The following RUNDC3A variants were observed in gnomAD, a reference collection of about 807,000 sequenced individuals.
RUNDC3A encodes RUN domain containing 3A.
RUNDC3A carries 28 observed loss-of-function variants against 53.9 expected under a neutral mutation model. The observed-to-expected ratio is 0.52, with a 90% confidence interval of 0.38 to 0.71. RUNDC3A has a LOEUF of 0.71. RUNDC3A is among the 30% of genes least tolerant of loss of function. The pLI is 0.00. For synonymous variants in RUNDC3A, 232 were observed against 249.4 expected (o/e 0.93, Z 0.66); for missense variants, 491 against 597.3 (o/e 0.82, Z 1.85).
In RUNDC3A at chr17:44,318,356, A is replaced by G; in HGVS notation, c.*118A>G. 4 of 1,170,772 alleles carry G rather than the reference A, an allele frequency of 3.4e-6. No individual in the cohort carries two copies. The highest frequency in any genetic ancestry group is 4.8e-6 in the Non-Finnish European group (4 of 833,366). The allele number at this position is 1,170,772 out of a possible 1,614,324, so 72.5% of individuals were successfully genotyped here. A position where few individuals can be genotyped will look rare whatever the true frequency, so the allele number is the denominator to read the frequency against. On this transcript the variant is annotated 3_prime_UTR_variant, in exon 11 of 11. Coordinates refer to ENST00000426726, the MANE Select transcript of RUNDC3A (RefSeq NM_001144825.2). ...TCCAGAGAACGCTACCCACCCAGCC[A>G]GGGTTCTCTCGGGGAAGATCTCGTC...
Position 44,315,647 on chromosome 17 carries a change from G to T in RUNDC3A, c.953+38G>T. On this transcript the variant is annotated intron_variant, in intron 8 of 10. Transcript: ENST00000426726. This position sits in a 1 kb window ranked among gnomAD's most constrained non-coding sequence, Gnocchi z 6.1. The stretch of plus-strand genomic sequence containing the variant: ...CCTGCCCTAACCCCTGACCCCCGCC[G>T]CCCCGACCACATCACCGGGTGAACC... 2 of 1,334,652 alleles carry T rather than the reference G, an allele frequency of 1.5e-6. No individual in the cohort carries two copies. Among genetic ancestry groups the T allele is most frequent in the East Asian group, 3.4e-5 (1 of 29,702 alleles). 82.7% of individuals were successfully genotyped at this position (1,334,652 alleles called of 1,614,324 possible).
rs774181293 is a variant in RUNDC3A, at chr17:44,316,563, C to G, written c.1091+41C>G. ...GTGGGGCTTGGGCCTGAGAGCGGGT[C>G]GTCCTGGGGAAGAAGGGCTTCCTCT... is the stretch of plus-strand genomic sequence containing the variant. On this transcript the variant is annotated intron_variant, in intron 9 of 10. Transcript: ENST00000426726. 6 of 1,590,276 alleles carry G rather than the reference C, an allele frequency of 3.8e-6. No homozygotes were observed. The Admixed American group carries it at 1.1e-4, about 28-fold the overall frequency.
At chr17:44,312,513 C>A in intron 1 of RUNDC3A, 67 bp from the exon 2 acceptor site, 1 of 890,470 alleles carries the variant, frequency 1.1e-6, no homozygotes, top group South Asian at 1.5e-5. Flanking sequence ...TGCTCCCTGT[C>A]TCTCCCTCCA....
intron 2 of RUNDC3A, 78 bp downstream of exon 2, chr17:44,312,773 C>T (rs1598325277): frequency 1.6e-6 from 1 of 644,062 alleles, no homozygotes; most frequent in African/African-American, 1.8e-5. Context: ...GCGCCCCTCC[C>T]CCAGCGGTCC....
At chr17:44,317,396 G>C in intron 10 of RUNDC3A, 1 of 773,628 alleles carries the variant, frequency 1.3e-6, no homozygotes, top group South Asian at 1.4e-5. Context: ...CAAACTCTCG[G>C]GGAACTCCTT....
In RUNDC3A at chr17:44,315,447, C is replaced by T. The variant is rs2047842667; in HGVS notation, c.796-5C>T. 2.1e-6 allele frequency: 3 copies of T among 1,458,472 alleles called. No homozygotes were observed. The highest frequency in any genetic ancestry group is 1.5e-5 in the African/African-American group (1 of 67,746). 90.3% of individuals were successfully genotyped at this position (1,458,472 alleles called of 1,614,324 possible). Reference sequence around the variant, plus strand: ...AGCCGCCCGGGCTGAGCCGGCGCCCCGCAGGGCTACCTGGAGGAGCTGGTG... The same window carrying T: ...AGCCGCCCGGGCTGAGCCGGCGCCCTGCAGGGCTACCTGGAGGAGCTGGTG... On this transcript the variant is annotated splice_polypyrimidine_tract_variant and splice_region_variant and intron_variant, in intron 7 of 10. Transcript: ENST00000426726. The surrounding 1 kb of genome is among the most constrained non-coding windows in gnomAD (Gnocchi z 6.1).
At chr17:44,316,303 C>G in intron 8 of RUNDC3A, 82 bp from the exon 9 acceptor site, 5 of 1,351,244 alleles carry the variant, frequency 3.7e-6, no homozygotes, top group Non-Finnish European at 5.2e-6. Flanking sequence ...TCATTCCTGA[C>G]CCCTCCCTCA....
At chr17:44,311,878 C>T (rs1320968420) in intron 1 of RUNDC3A, among the ~76,000 whole-genome samples, 1 of 152,136 alleles carries the variant, frequency 6.6e-6, no homozygotes, top group East Asian at 1.9e-4. Context: ...AATGCCCCCT[C>T]CTGCCCAGTG....
intron 9 of RUNDC3A, 33 bp downstream of exon 9, chr17:44,316,555 G>A: frequency 3.8e-6 from 6 of 1,597,464 alleles, no homozygotes; most frequent in Non-Finnish European, 5.1e-6. Context: ...TTGGGCCTGA[G>A]AGCGGGTCGT....
intron 10 of RUNDC3A, 24 bp from the exon 11 acceptor site, chr17:44,318,072 G>A: frequency 6.5e-7 from 1 of 1,548,150 alleles, no homozygotes; most frequent in South Asian, 1.2e-5. Context: ...TGGTCGCTTG[G>A]CCTCACCTGC....
chr17:44,313,984 TACCACCACC>T (rs947266148), intron 4 of RUNDC3A: 8 of 991,032 alleles, frequency 8.1e-6, no homozygotes, highest in Non-Finnish European at 8.4e-6. Flanking sequence ...GACAAACTTT[TACCACCACC>T]ACCACCACCA....
In RUNDC3A at chr17:44,318,002, G is replaced by A. The variant is rs1369247173; in HGVS notation, c.1199-94G>A. The A allele has an allele frequency of 4.6e-6, 6 of 1,296,744 alleles. No homozygotes were observed. The Admixed American group carries it at 1.1e-4, about 23-fold the overall frequency. The allele number at this position is 1,296,744 out of a possible 1,614,324, so 80.3% of individuals were successfully genotyped here. On this transcript the variant is annotated intron_variant, in intron 10 of 10. Transcript: ENST00000426726. ...TGGAATATGCCAAGGTCTCCTGGGGGGTGACTTGAGGGCTGCCCCTTCACT... is the reference window on the plus strand; with the variant it reads ...TGGAATATGCCAAGGTCTCCTGGGGAGTGACTTGAGGGCTGCCCCTTCACT...
chr17:44,316,035 T>A (rs1039697779), intron 8 of RUNDC3A, among the ~76,000 whole-genome samples: 1 of 151,956 alleles, frequency 6.6e-6, no homozygotes, highest in Non-Finnish European at 1.5e-5. Context: ...CTGTAACACT[T>A]CTTCTCTACG....
Position 44,315,184 on chromosome 17 carries a change from G to T in RUNDC3A, c.659G>T (p.Arg220Leu), listed in dbSNP as rs1598329076. The T allele has an allele frequency of 6.4e-7, 1 of 1,562,690 alleles. No homozygotes were observed. The highest frequency in any genetic ancestry group is 1.9e-5 in the Admixed American group (1 of 52,172). ...SYDYLTDEEE[R>L]HSAESSTSED... ...GACTACCTGACGGACGAGGAGGAGC[G>T]GCACAGCGCCGAGAGCAGCACGAGC... The change falls in exon 7 of 11, where the codon CGG becomes CTG. Residue 220 changes from arginine (R) to leucine (L), a missense_variant. Arg to Leu is a moderately radical substitution (Grantham distance 102). This residue lies in a region of RUNDC3A where 273 missense variants were observed against 389.0 expected (regional missense o/e 0.70). Transcript: ENST00000426726. This position sits in a 1 kb window ranked among gnomAD's most constrained non-coding sequence, Gnocchi z 6.1.
At position 44,308,623 on chromosome 17, in the gene RUNDC3A, A is replaced by G; in HGVS notation, c.-210A>G. 1 of 442,764 alleles carries G rather than the reference A, an allele frequency of 2.3e-6. No individual in the cohort carries two copies. Among genetic ancestry groups the G allele is most frequent in the Non-Finnish European group, 4.0e-6 (1 of 251,072 alleles). 27.4% of individuals were successfully genotyped at this position (442,764 alleles called of 1,614,324 possible). A position where few individuals can be genotyped will look rare whatever the true frequency, so the allele number is the denominator to read the frequency against. ...GGGGCCCCGGCTCAGCACCTCGGAG[A>G]GCTCCCTCCCCGGCCTTGTTTTGCT... On this transcript the variant is annotated 5_prime_UTR_variant, in exon 1 of 11. Transcript: ENST00000426726.
At chr17:44,312,817 C>T (rs900632109) in intron 2 of RUNDC3A, 122 bp downstream of exon 2, 3 of 608,268 alleles carry the variant, frequency 4.9e-6, no homozygotes, top group Admixed American at 6.0e-5. Flanking sequence ...TCCCAGCCAC[C>T]TCTTTCTGAT....
chr17:44,312,751 G>A (rs530525572), intron 2 of RUNDC3A, 56 bp downstream of exon 2: 13 of 755,674 alleles, frequency 1.7e-5, no homozygotes, highest in Middle Eastern at 4.0e-4. Context: ...TCCCCCAGTG[G>A]TCCCTCCCCC....
Position 44,316,518 on chromosome 17 carries a change from C to A in RUNDC3A, c.1087C>A (p.Arg363=), listed in dbSNP as rs778185034. 2 of 1,612,232 alleles carry A rather than the reference C, an allele frequency of 1.2e-6. No homozygotes were observed. Among genetic ancestry groups the A allele is most frequent in the Non-Finnish European group, 1.7e-6 (2 of 1,179,310 alleles). ...AEGASNSKLY[R]RHSFMSTEPL... ...GGGCGCCAGCAACTCCAAGCTCTAC[C>A]GGAGGTAAGCCCCAGCCAGGTGGGG... The change falls in exon 9 of 11, where the codon CGG becomes AGG. Residue 363 remains arginine, a synonymous_variant. Coordinates refer to ENST00000426726, the MANE Select transcript of RUNDC3A (RefSeq NM_001144825.2).
Position 44,318,573 on chromosome 17 carries a change from C to A in RUNDC3A, c.*335C>A. On this transcript the variant is annotated 3_prime_UTR_variant, in exon 11 of 11. Transcript: ENST00000426726. ...TGGCCCAGCTTCCACACCCCCACCT[C>A]CCAGTCTCTAGCCTCTCCATCTGTC... is the stretch of plus-strand genomic sequence containing the variant. 1 of 316,098 alleles carries A rather than the reference C, an allele frequency of 3.2e-6. No homozygotes were observed. The highest frequency in any genetic ancestry group is 6.0e-6 in the Non-Finnish European group (1 of 165,316). 19.6% of individuals were successfully genotyped at this position (316,098 alleles called of 1,614,324 possible).
Sources: gnomAD v4.1 joint callset for allele counts (sites outside exome capture counted in the v4.1 genomes callset) on GRCh38, gnomAD v4.1.1 for gene constraint, gnomAD v4.1.1 regional missense constraint, Gnocchi (gnomAD v3.1) non-coding constraint, MANE v1.5 for transcripts, NCBI Gene and HGNC (gene_info 2026-07-23, HGNC 2026-07-21) for gene names.